BABAM2: variants seen among roughly 807,000 people sequenced by gnomAD.
BABAM2 encodes BRISC and BRCA1 A complex member 2.
A neutral mutation model predicts 54.7 loss-of-function variants in BABAM2; 31 were observed. The ratio of observed to expected loss-of-function variants is 0.57; its 90% CI spans 0.43 to 0.77. The LOEUF (loss-of-function observed/expected upper bound fraction) is 0.77, where lower values mean the gene tolerates loss of function less well. BABAM2 is among the 30% of genes least tolerant of loss of function. The pLI is 0.00. For missense variants in BABAM2, 364 were observed against 455.8 expected (o/e 0.80, Z 1.83); for synonymous variants, 167 against 162.9 (o/e 1.03, Z -0.19).
intron 7 of BABAM2, among the ~76,000 whole-genome samples, chr2:28,152,531 G>A (rs1376383722): frequency 6.6e-6 from 1 of 152,140 alleles, no homozygotes; most frequent in African/African-American, 2.4e-5. Context: ...GTCTTCCTCG[G>A]TTTTACTGTG....
At chr2:27,925,336 A>G (rs1667609800) in intron 2 of BABAM2, among the ~76,000 whole-genome samples, 1 of 152,034 alleles carries the variant, frequency 6.6e-6, no homozygotes, top group African/African-American at 2.4e-5. Flanking sequence ...TTTTCCCTAA[A>G]CATGCTCCTT....
chr2:27,973,028 A>G (rs1166881863), intron 3 of BABAM2, among the ~76,000 whole-genome samples: 2 of 151,938 alleles, frequency 1.3e-5, no homozygotes, highest in Non-Finnish European at 2.9e-5. Context: ...TCGGCCTCCC[A>G]AAGTGCTAGG....
intron 6 of BABAM2, among the ~76,000 whole-genome samples, chr2:28,078,480 A>T (rs573869733): frequency 6.6e-6 from 1 of 152,280 alleles, no homozygotes; most frequent in South Asian, 2.1e-4. Flanking sequence ...TAAGCTTTAC[A>T]GTAAGAATGA....
chr2:28,233,071 T>G (rs983700071), intron 7 of BABAM2: 2 of 330,172 alleles, frequency 6.1e-6, no homozygotes, highest in Non-Finnish European at 1.3e-5. Context: ...ATTTCATGTT[T>G]TATTTTATTC....
At chr2:27,933,764 GTTTTTTTTTTT>G (rs59022185) in intron 3 of BABAM2, among the ~76,000 whole-genome samples, 1 of 110,886 alleles carries the variant, frequency 9.0e-6, no homozygotes, top group African/African-American at 3.7e-5. Flanking sequence ...TGCCTGGCTT[GTTTTTTTTTTT>G]TTTTTTTTTT....
intron 2 of BABAM2, among the ~76,000 whole-genome samples, chr2:27,898,369 G>T (rs1485182091): frequency 6.6e-6 from 1 of 152,070 alleles, no homozygotes; most frequent in Non-Finnish European, 1.5e-5. Flanking sequence ...TATTGGAATG[G>T]GGTGAGCTTG....
intron 4 of BABAM2, among the ~76,000 whole-genome samples, chr2:28,003,792 G>T (rs923877056): frequency 2.0e-5 from 3 of 152,108 alleles, no homozygotes; most frequent in Non-Finnish European, 4.4e-5. Context: ...AGGGAATAAA[G>T]ACAGTAATAT....
At chr2:28,133,984 A>G (rs547114683) in intron 7 of BABAM2, among the ~76,000 whole-genome samples, 5 of 152,290 alleles carry the variant, frequency 3.3e-5, no homozygotes, top group Admixed American at 2.0e-4. Flanking sequence ...TACGATGCTT[A>G]GATGCATATT....
chr2:28,304,270 G>GGAA lies in BABAM2; in HGVS notation c.1088+5780_1088+5781insAAG, dbSNP rs1209000277. On this transcript the variant is annotated intron_variant, in intron 11 of 11. Coordinates refer to ENST00000379624, the MANE Select transcript of BABAM2 (RefSeq NM_199191.3). The surrounding 1 kb of genome is among the most constrained non-coding windows in gnomAD (Gnocchi z 4.0). ...AGGGTTTTGGCATGTTGGCCAGTCT[G>GGAA]GTTTCAAACTCCTGACTTCAGGTGA... 6.6e-6 allele frequency among the ~76,000 whole-genome samples: 1 copy of GGAA among 151,822 alleles called. No individual in the cohort carries two copies.
intron 11 of BABAM2, among the ~76,000 whole-genome samples, chr2:28,328,946 A>G (rs1341875349): frequency 6.6e-6 from 1 of 152,232 alleles, no homozygotes; most frequent in Non-Finnish European, 1.5e-5. Flanking sequence ...TCAGACGTCT[A>G]TTTTATGGAT....
intron 4 of BABAM2, among the ~76,000 whole-genome samples, chr2:27,993,620 T>TG (rs1307816229): frequency 6.6e-6 from 1 of 152,114 alleles, no homozygotes; most frequent in African/African-American, 2.4e-5. Flanking sequence ...TAAATTTAAA[T>TG]GAGAAAAGCA....
At chr2:28,188,656 C>T (rs907228383) in intron 7 of BABAM2, among the ~76,000 whole-genome samples, 1 of 152,060 alleles carries the variant, frequency 6.6e-6, no homozygotes, top group African/African-American at 2.4e-5. Flanking sequence ...CAACAGGCCT[C>T]GGGGCTGTTT....
intron 3 of BABAM2, among the ~76,000 whole-genome samples, chr2:27,951,362 TGAATTTCCCTTA>T (rs1205628299): frequency 5.9e-5 from 9 of 152,178 alleles, no homozygotes; most frequent in Admixed American, 5.9e-4. Context: ...TCACATGTTC[TGAATTTCCCTTA>T]GATTTTTTTT....
intron 6 of BABAM2, among the ~76,000 whole-genome samples, chr2:28,089,863 A>G (rs998294686): frequency 6.9e-6 from 1 of 145,460 alleles, no homozygotes; most frequent in African/African-American, 2.5e-5. Flanking sequence ...GAAATTACCT[A>G]CCAGTTATCA....
chr2:28,171,771 C>T (rs1674352956), intron 7 of BABAM2, among the ~76,000 whole-genome samples: 1 of 152,112 alleles, frequency 6.6e-6, no homozygotes, highest in African/African-American at 2.4e-5. Flanking sequence ...TGGGCTGGCT[C>T]TCCTAGGTAT....
At chr2:28,173,183 A>G (rs1315069728) in intron 7 of BABAM2, among the ~76,000 whole-genome samples, 1 of 152,186 alleles carries the variant, frequency 6.6e-6, no homozygotes, top group Non-Finnish European at 1.5e-5. Flanking sequence ...GGTGACACAA[A>G]CATTCATTTC....
chr2:27,925,988 G>C (rs541136108), intron 2 of BABAM2, among the ~76,000 whole-genome samples: 1 of 152,288 alleles, frequency 6.6e-6, no homozygotes, highest in South Asian at 2.1e-4. Context: ...TAGCAGAGAA[G>C]TAGGTGATAC....
At chr2:28,081,705 G>C (rs1029005646) in intron 6 of BABAM2, among the ~76,000 whole-genome samples, 1 of 152,076 alleles carries the variant, frequency 6.6e-6, no homozygotes. Context: ...AATGAATTTA[G>C]GTTGTTGAAC....
chr2:28,301,552 C>T (rs888290577), intron 11 of BABAM2, among the ~76,000 whole-genome samples: 38 of 152,286 alleles, frequency 2.5e-4, no homozygotes, highest in African/African-American at 8.7e-4. Context: ...TATGAGAGGC[C>T]AGCAAGTTAA....
Sources: allele counts gnomAD v4.1 joint callset (sites outside exome capture counted in the v4.1 genomes callset), GRCh38; gene constraint gnomAD v4.1.1; non-coding constraint Gnocchi (gnomAD v3.1); transcripts MANE v1.5; gene names NCBI Gene and HGNC (gene_info 2026-07-23, HGNC 2026-07-21).